SMOC1: variants seen among roughly 807,000 people sequenced by gnomAD.
The protein encoded by SMOC1 is SPARC related modular calcium binding 1.
Under a neutral mutation model 56.3 loss-of-function variants are expected in SMOC1, and 22 were observed. The observed-to-expected ratio is 0.39, with a 90% CI of 0.28 to 0.56. The LOEUF is 0.56. Ranked by LOEUF, SMOC1 falls within the 20% of genes least tolerant of loss-of-function variation. The pLI is 0.61. For synonymous variants in SMOC1, 193 were observed against 215.0 expected, an observed-to-expected ratio of 0.90 and a Z score of 0.89; for missense variants, 509 against 565.4, an observed-to-expected ratio of 0.90 and a Z score of 1.01.
At chr14:70,017,950 G>T (rs1453928537) in intron 10 of SMOC1, among the ~76,000 whole-genome samples, 2 of 152,320 alleles carry the variant, frequency 1.3e-5, no homozygotes, top group East Asian at 1.9e-4. Flanking sequence ...AGGGGTAAGG[G>T]CCTTCCAGCA....
At chr14:70,012,547 G>A (rs1885377305) in intron 9 of SMOC1, among the ~76,000 whole-genome samples, 1 of 152,220 alleles carries the variant, frequency 6.6e-6, no homozygotes, top group South Asian at 2.1e-4. Flanking sequence ...TGAGAAGCAA[G>A]TGTTGAACCT....
chr14:69,981,643 A>G (rs1884181403), intron 5 of SMOC1, among the ~76,000 whole-genome samples: 1 of 152,210 alleles, frequency 6.6e-6, no homozygotes, highest in Admixed American at 6.5e-5. Context: ...TAGCTCTGAA[A>G]ATGCACTGCT....
At chr14:69,961,272 GTATATATATATATATATATATATATA>G (rs35703501) in intron 3 of SMOC1, among the ~76,000 whole-genome samples, 25 of 74,984 alleles carry the variant, frequency 3.3e-4, no homozygotes, top group Admixed American at 1.8e-3. Flanking sequence ...ATTCTATTGT[GTATATATATATATATATATATATATA>G]TATATATATA....
intron 1 of SMOC1, chr14:69,886,180 T>C: frequency 1.1e-6 from 1 of 934,676 alleles, no homozygotes; most frequent in Non-Finnish European, 1.7e-6. Context: ...GAACAACTTC[T>C]ATATCTGGTC....
At chr14:70,024,106 T>C (rs1294851594) in intron 11 of SMOC1, among the ~76,000 whole-genome samples, 1 of 152,136 alleles carries the variant, frequency 6.6e-6, no homozygotes, top group East Asian at 1.9e-4. Context: ...CTGGGTTTTA[T>C]GGGCCAGCCC....
At chr14:69,913,263 G>T (rs1884601615) in intron 1 of SMOC1, among the ~76,000 whole-genome samples, 1 of 152,078 alleles carries the variant, frequency 6.6e-6, no homozygotes, top group Non-Finnish European at 1.5e-5. Context: ...GTGGGAACAT[G>T]GTACATTTTC....
At chr14:69,938,155 T>C (rs1882392159) in intron 1 of SMOC1, among the ~76,000 whole-genome samples, 1 of 152,172 alleles carries the variant, frequency 6.6e-6, no homozygotes, top group South Asian at 2.1e-4. Flanking sequence ...TAAATGACAT[T>C]TTCCTTCATG....
At chr14:69,987,220 C>A (rs1461222257) in intron 5 of SMOC1, among the ~76,000 whole-genome samples, 1 of 152,158 alleles carries the variant, frequency 6.6e-6, no homozygotes, top group Non-Finnish European at 1.5e-5. Context: ...ATGTCTTTTT[C>A]AAAGATGGAC....
intron 1 of SMOC1, among the ~76,000 whole-genome samples, chr14:69,891,661 C>T (rs964476854): frequency 2.6e-5 from 4 of 152,142 alleles, no homozygotes; most frequent in Admixed American, 6.5e-5. Context: ...CGTTAGTGCT[C>T]GTCTCTGCCC....
At chr14:69,919,576 A>G (rs904449612) in intron 1 of SMOC1, among the ~76,000 whole-genome samples, 2 of 152,262 alleles carry the variant, frequency 1.3e-5, no homozygotes, top group Admixed American at 1.3e-4. Flanking sequence ...AAATGGAGGT[A>G]TTAAACTTGA....
chr14:69,886,713 T>C (rs987568454), intron 1 of SMOC1, among the ~76,000 whole-genome samples: 1 of 152,210 alleles, frequency 6.6e-6, no homozygotes, highest in African/African-American at 2.4e-5. Flanking sequence ...GGGTGGGTCC[T>C]TGTGTCTGCT....
chr14:70,010,304 C>T (rs1269851254), intron 7 of SMOC1, among the ~76,000 whole-genome samples: 3 of 152,290 alleles, frequency 2.0e-5, no homozygotes, highest in South Asian at 2.1e-4. Context: ...TGTGTCTGGG[C>T]GTGGAAGGGT....
chr14:69,966,189 A>T (rs995831234), intron 3 of SMOC1, among the ~76,000 whole-genome samples: 1 of 152,168 alleles, frequency 6.6e-6, no homozygotes, highest in Non-Finnish European at 1.5e-5. Context: ...TATATTTGAT[A>T]CTTAACCCCC....
intron 1 of SMOC1, among the ~76,000 whole-genome samples, chr14:69,909,832 A>T (rs960700567): frequency 1.3e-5 from 2 of 152,198 alleles, no homozygotes; most frequent in African/African-American, 4.8e-5. Context: ...GATAATTCTA[A>T]CTGGGTGAGA....
At chr14:70,025,155 G>A (rs1031940857) in intron 11 of SMOC1, among the ~76,000 whole-genome samples, 18 of 152,206 alleles carry the variant, frequency 1.2e-4, no homozygotes, top group African/African-American at 3.9e-4. Context: ...GGATGCACAT[G>A]AAGGATGAGT....
At chr14:69,911,203 A>C (rs1022508898) in intron 1 of SMOC1, among the ~76,000 whole-genome samples, 12 of 152,110 alleles carry the variant, frequency 7.9e-5, no homozygotes, top group African/African-American at 2.4e-4. Flanking sequence ...CTCTCTGTCT[A>C]CCACTGTGTT....
At chr14:70,001,761 G>C (rs994552369) in intron 7 of SMOC1, among the ~76,000 whole-genome samples, 1 of 152,158 alleles carries the variant, frequency 6.6e-6, no homozygotes, top group Non-Finnish European at 1.5e-5. Flanking sequence ...ACACACGATT[G>C]CATTTAATCT....
Position 69,896,325 on chromosome 14 carries a change from A to G in SMOC1, c.99+16548A>G, listed in dbSNP as rs1884098463. Among the ~76,000 whole-genome samples, 3 of 152,226 alleles carry G rather than the reference A, an allele frequency of 2.0e-5. No homozygotes were observed. The South Asian group carries it at 6.2e-4, about 31-fold the overall frequency. On this transcript the variant is annotated intron_variant, in intron 1 of 11. Transcript: ENST00000361956. Reference sequence around the variant, plus strand: ...GGGTCAAAGAGACCTGAGATTAGGTATCTTTCTCAGAAAAGCCACTTTCTA... The same window carrying G: ...GGGTCAAAGAGACCTGAGATTAGGTGTCTTTCTCAGAAAAGCCACTTTCTA...
chr14:69,909,805 T>C (rs545070111), intron 1 of SMOC1, among the ~76,000 whole-genome samples: 2 of 152,348 alleles, frequency 1.3e-5, no homozygotes, highest in South Asian at 4.1e-4. Context: ...TTGTTTATCA[T>C]TGATTCTTCG....
Sources: gnomAD v4.1 joint callset for allele counts (sites outside exome capture counted in the v4.1 genomes callset) on GRCh38, gnomAD v4.1.1 for gene constraint, MANE v1.5 for transcripts, NCBI Gene and HGNC (gene_info 2026-07-23, HGNC 2026-07-21) for gene names.